The following RIC1 variants were observed in gnomAD, a reference collection of about 807,000 sequenced individuals.
RIC1 encodes guanine nucleotide exchange factor subunit RIC1.
A neutral mutation model predicts 169.0 loss-of-function variants in RIC1; 88 were observed. The observed-to-expected ratio is 0.52, with a 90% CI of 0.44 to 0.62. The LOEUF (loss-of-function observed/expected upper bound fraction) is 0.62. Among genes scored for constraint, RIC1 ranks in the 20% least tolerant of loss-of-function variants. The probability of loss-of-function intolerance (pLI) is 0.00; values close to 1 mark genes in which losing one functional copy is unlikely to be tolerated. For synonymous variants in RIC1, 790 were observed against 601.5 expected, an observed-to-expected ratio of 1.31 and a Z score of -4.59; for missense variants, 1,877 against 1,725.5, an observed-to-expected ratio of 1.09 and a Z score of -1.56.
intron 2 of RIC1, among the ~76,000 whole-genome samples, chr9:5,664,093 G>T (rs1819614245): frequency 6.6e-6 from 1 of 152,104 alleles, no homozygotes; most frequent in Non-Finnish European, 1.5e-5. Context: ...GAAATTCTGG[G>T]TTGGAAATTC....
At chr9:5,718,750 G>A (rs896560793) in intron 4 of RIC1, among the ~76,000 whole-genome samples, 1 of 152,122 alleles carries the variant, frequency 6.6e-6, no homozygotes, top group African/African-American at 2.4e-5. Context: ...GCTTTAAAAA[G>A]TGAAATGTCT....
At chr9:5,676,163 C>T (rs927450039) in intron 2 of RIC1, among the ~76,000 whole-genome samples, 1 of 152,144 alleles carries the variant, frequency 6.6e-6, no homozygotes. Context: ...GTGATACGCC[C>T]ACCTCAGACT....
chr9:5,655,215 G>A (rs928654402), intron 1 of RIC1, among the ~76,000 whole-genome samples: 3 of 152,102 alleles, frequency 2.0e-5, no homozygotes, highest in Admixed American at 6.5e-5. Context: ...TCTTTATCAC[G>A]TTGAAAAAAT....
At position 5,773,053 on chromosome 9, in the gene RIC1, C is replaced by A; in HGVS notation, c.3956C>A (p.Ala1319Glu). ...MLQNIKTGLHAVDRWASTDCP... is the reference protein window; with the variant it reads ...MLQNIKTGLHEVDRWASTDCP... ...CAGAACATAAAGACAGGGCTCCATG[C>A]AGTGGACCGATGGGCCTCTACAGAC... is the stretch of plus-strand genomic sequence containing the variant. Residue 1319 changes from alanine (A) to glutamate (E), a missense_variant, in exon 25 of 26, where the codon GCA (alanine) becomes GAA (glutamate). Coordinates refer to ENST00000414202, the MANE Select transcript of RIC1 (RefSeq NM_020829.4). 1 of 1,612,610 alleles carries A rather than the reference C, an allele frequency of 6.2e-7. No homozygotes were observed. Among genetic ancestry groups the A allele is most frequent in the Non-Finnish European group, 8.5e-7 (1 of 1,179,238 alleles).
At chr9:5,722,206 T>TA (rs1416810907) in intron 6 of RIC1, among the ~76,000 whole-genome samples, 1 of 143,086 alleles carries the variant, frequency 7.0e-6, no homozygotes, top group Non-Finnish European at 1.5e-5. Context: ...CTTCTTCTTC[T>TA]TTTTTTTTTT....
intron 1 of RIC1, among the ~76,000 whole-genome samples, chr9:5,630,286 A>G (rs924564666): frequency 6.6e-6 from 1 of 152,368 alleles, no homozygotes; most frequent in African/African-American, 2.4e-5. Flanking sequence ...AAACACTGCT[A>G]TAACTTTGTC....
At position 5,770,273 on chromosome 9, in the gene RIC1, A is replaced by G. The variant is rs147192288; in HGVS notation, c.3611A>G (p.Asn1204Ser). ...MQDAFLSPLS[N>S]KGDECSIGSA... ...GATGCCTTCTTGTCACCTTTATCTA[A>G]TAAAGGTAAATGTAATTTTAAATCC... Residue 1204 changes from asparagine to serine, a missense_variant, in exon 23 of 26, where the codon AAT becomes AGT. Transcript: ENST00000414202. 1.0e-3 allele frequency: 1,613 copies of G among 1,611,638 alleles called. 7 individuals carry two copies. Among genetic ancestry groups the G allele is most frequent in the South Asian group, 4.5e-3 (405 of 90,698 alleles).
intron 1 of RIC1, among the ~76,000 whole-genome samples, chr9:5,651,912 G>A (rs981471335): frequency 8.6e-5 from 13 of 151,960 alleles, no homozygotes; most frequent in African/African-American, 3.1e-4. Flanking sequence ...GTAAGATAAG[G>A]GTCTAATTTC....
intron 19 of RIC1, 154 bp from the exon 20 acceptor site, chr9:5,765,260 T>C: frequency 1.3e-6 from 1 of 746,778 alleles, no homozygotes; most frequent in Non-Finnish European, 2.2e-6. Flanking sequence ...TTGCCTCGCT[T>C]TTCCTTGTAT....
chr9:5,711,220 C>G (rs1208023624), intron 3 of RIC1, among the ~76,000 whole-genome samples: 1 of 152,110 alleles, frequency 6.6e-6, no homozygotes, highest in East Asian at 1.9e-4. Flanking sequence ...ACTCCACAGC[C>G]ACACTTGAGA....
At chr9:5,670,987 C>A (rs113554535) in intron 2 of RIC1, among the ~76,000 whole-genome samples, 2 of 152,208 alleles carry the variant, frequency 1.3e-5, no homozygotes, top group South Asian at 2.1e-4. Context: ...TGGAGCCCTC[C>A]GCCGTCAGAA....
chr9:5,754,812 TA>T, intron 14 of RIC1, 28 bp from the exon 15 acceptor site: 1 of 1,376,894 alleles, frequency 7.3e-7, no homozygotes, highest in Non-Finnish European at 1.0e-6. Context: ...TAGCATAAGG[TA>T]AATTTTTTAA....
chr9:5,743,240 A>G (rs114060008), intron 9 of RIC1, among the ~76,000 whole-genome samples: 1 of 152,162 alleles, frequency 6.6e-6, no homozygotes, highest in Admixed American at 6.6e-5. Context: ...CCCCTGCTGT[A>G]TATATGACAG....
At chr9:5,762,466 T>C (rs1826403394) in intron 17 of RIC1, 75 bp from the exon 18 acceptor site, 1 of 1,559,580 alleles carries the variant, frequency 6.4e-7, no homozygotes, top group African/African-American at 1.4e-5. Context: ...CCTATAAACC[T>C]TATGGATTGG....
In RIC1 at chr9:5,752,462, C is replaced by T. The variant is rs1169766121; in HGVS notation, c.1453-738C>T. Among the ~76,000 whole-genome samples the T allele has an allele frequency of 8.2e-5, 12 of 146,848 alleles. No homozygotes were observed. In the South Asian group the frequency reaches 1.3e-3, roughly 16 times the overall value. Reference sequence around the variant, plus strand: ...TTTTTTTGTTTTTTTTTTTTGGAGACGGAGTTTCGCTCTTATTCCCCAGGC... The same window carrying T: ...TTTTTTTGTTTTTTTTTTTTGGAGATGGAGTTTCGCTCTTATTCCCCAGGC... On this transcript the variant is annotated intron_variant, in intron 12 of 25. Coordinates refer to ENST00000414202, the MANE Select transcript of RIC1 (RefSeq NM_020829.4).
At chr9:5,711,056 C>T (rs149324953) in intron 3 of RIC1, among the ~76,000 whole-genome samples, 4 of 152,114 alleles carry the variant, frequency 2.6e-5, no homozygotes, top group Non-Finnish European at 5.9e-5. Flanking sequence ...GTAGATTGAA[C>T]AGGTCTACCA....
chr9:5,632,860 G>A (rs1328918680), intron 1 of RIC1, among the ~76,000 whole-genome samples: 2 of 152,122 alleles, frequency 1.3e-5, no homozygotes, highest in African/African-American at 4.8e-5. Context: ...CATCAGAATG[G>A]TATCTTTGAA....
chr9:5,727,887 T>C (rs2130904659), intron 6 of RIC1, among the ~76,000 whole-genome samples: 1 of 152,356 alleles, frequency 6.6e-6, no homozygotes, highest in African/African-American at 2.4e-5. Flanking sequence ...TGTTGCTGCC[T>C]GATCCTTCTT....
At chr9:5,674,856 T>C (rs924586564) in intron 2 of RIC1, among the ~76,000 whole-genome samples, 5 of 152,254 alleles carry the variant, frequency 3.3e-5, no homozygotes, top group African/African-American at 1.2e-4. Flanking sequence ...TCTGTTTTTT[T>C]GTTCCGGGCA....
Sources: allele counts gnomAD v4.1 joint callset (sites outside exome capture counted in the v4.1 genomes callset), GRCh38; gene constraint gnomAD v4.1.1; transcripts MANE v1.5; gene names NCBI Gene and HGNC (gene_info 2026-07-23, HGNC 2026-07-21).